The following ACTR3C variants were observed in gnomAD, a reference collection of about 807,000 sequenced individuals.
ACTR3C encodes actin-related protein 3C.
Under a neutral mutation model 26.3 loss-of-function variants are expected in ACTR3C, and 18 were observed. The observed-to-expected ratio is 0.68, with a 90% CI of 0.47 to 1.01. ACTR3C has a LOEUF of 1.01. Among genes scored for constraint, ACTR3C ranks in the 50% least tolerant of loss-of-function variants. The pLI, the probability that ACTR3C is intolerant of heterozygous loss-of-function variation, is 0.00. For missense variants in ACTR3C, 184 were observed against 250.7 expected (o/e 0.73, Z 1.80); for synonymous variants, 55 against 94.5 (o/e 0.58, Z 2.42).
At chr7:150,275,272 T>C (rs111347652) in intron 6 of ACTR3C, among the ~76,000 whole-genome samples, 2,326 of 152,334 alleles carry the variant, frequency 0.015, 19 homozygotes, top group Non-Finnish European at 0.022. Flanking sequence ...TTACAAATCA[T>C]GTTTTTAAAG....
the ACTR3C span, among the ~76,000 whole-genome samples, chr7:150,058,654 C>T: frequency 3.9e-5 from 6 of 152,252 alleles, no homozygotes; most frequent in East Asian, 1.9e-4. Flanking sequence ...CCGTGGCTCA[C>T]GCCTGTAATC....
chr7:150,219,853 GCCC>G, the ACTR3C span, among the ~76,000 whole-genome samples: 1 of 144,978 alleles, frequency 6.9e-6, no homozygotes, highest in Non-Finnish European at 1.5e-5. Context: ...GCAAGCTCTG[GCCC>G]AGGGGGGTCT....
chr7:150,205,478 C>A, the ACTR3C span, among the ~76,000 whole-genome samples: 1 of 152,192 alleles, frequency 6.6e-6, no homozygotes, highest in African/African-American at 2.4e-5. Flanking sequence ...TGCACCTCTG[C>A]GCAATGTTAC....
rs570075951 is a variant in ACTR3C at position 150,309,872 on chromosome 7, C to T, written c.-52+13597G>A. ...AAGCCCCCTGGACCATCATGGACGC[C>T]GAGCTTCGGGTAACTTTTACAGTGG... is the stretch of plus-strand genomic sequence containing the variant. On this transcript the variant is annotated intron_variant, in intron 1 of 7. Coordinates refer to ENST00000683684, the MANE Select transcript of ACTR3C (RefSeq NM_001164458.2). Among the ~76,000 whole-genome samples the T allele has an allele frequency of 5.3e-5, 8 of 152,256 alleles. 1 individual carries two copies. Among genetic ancestry groups the T allele is most frequent in the Admixed American group, 2.0e-4 (3 of 15,292 alleles).
chr7:150,007,523 C>T, the ACTR3C span, among the ~76,000 whole-genome samples: 3 of 152,214 alleles, frequency 2.0e-5, no homozygotes, highest in Non-Finnish European at 2.9e-5. Flanking sequence ...TAAAGTCTCG[C>T]TCTGTAACTA....
the ACTR3C span, among the ~76,000 whole-genome samples, chr7:150,037,399 G>T: frequency 9.7e-4 from 56 of 57,974 alleles, 18 homozygotes; most frequent in East Asian, 0.043. Flanking sequence ...CTGCGATGGG[G>T]GTCCTAAGAG....
chr7:149,970,389 G>A, the ACTR3C span, among the ~76,000 whole-genome samples: 2 of 151,942 alleles, frequency 1.3e-5, no homozygotes, highest in African/African-American at 4.8e-5. Context: ...GACATGTTTA[G>A]CTGATCTACC....
the ACTR3C span, among the ~76,000 whole-genome samples, chr7:150,176,813 T>C: frequency 6.6e-6 from 1 of 150,980 alleles, no homozygotes; most frequent in African/African-American, 2.5e-5. Flanking sequence ...AATTCAATAA[T>C]AAAGATGCTT....
the ACTR3C span, chr7:150,004,513 A>G: frequency 6.6e-6 from 1 of 152,182 alleles, no homozygotes; most frequent in African/African-American, 2.4e-5. Flanking sequence ...TGCATGCCCA[A>G]ACTAGGAGGT....
intron 1 of ACTR3C, among the ~76,000 whole-genome samples, chr7:150,313,190 C>CTGAA (rs1333404012): frequency 6.6e-6 from 1 of 152,220 alleles, no homozygotes; most frequent in Non-Finnish European, 1.5e-5. Context: ...CGCTGACTCT[C>CTGAA]TTTTCAGACT....
At chr7:150,119,015 T>C in the ACTR3C span, among the ~76,000 whole-genome samples, 1 of 150,290 alleles carries the variant, frequency 6.7e-6, no homozygotes, top group Admixed American at 6.6e-5. Flanking sequence ...AGAAATAAAA[T>C]CCTTTACAGA....
intron 1 of ACTR3C, among the ~76,000 whole-genome samples, chr7:150,313,838 ACCTGGAGACCTG>A (rs1379073650): frequency 6.6e-6 from 1 of 152,204 alleles, no homozygotes; most frequent in Non-Finnish European, 1.5e-5. Flanking sequence ...CTTGGCAGCT[ACCTGGAGACCTG>A]CCTGGAGCCT....
the ACTR3C span, among the ~76,000 whole-genome samples, chr7:150,093,705 C>A: frequency 4.7e-5 from 7 of 150,498 alleles, no homozygotes; most frequent in Non-Finnish European, 8.8e-5. Context: ...ATCTTCTCAG[C>A]GGAGCAGCTG....
chr7:150,122,399 A>AAAAC, the ACTR3C span, among the ~76,000 whole-genome samples: 1 of 152,168 alleles, frequency 6.6e-6, no homozygotes, highest in Admixed American at 6.5e-5. Context: ...TTACAAGAAA[A>AAAAC]AAACAACCCC....
chr7:150,004,192 ATG>A, the ACTR3C span, among the ~76,000 whole-genome samples: 2 of 149,660 alleles, frequency 1.3e-5, no homozygotes, highest in South Asian at 2.1e-4. Flanking sequence ...CATATGTAGC[ATG>A]TGTGTTATGT....
the ACTR3C span, among the ~76,000 whole-genome samples, chr7:150,089,864 C>A: frequency 3.2e-3 from 493 of 152,342 alleles, 4 homozygotes; most frequent in African/African-American, 0.012. Context: ...GTTCTTAGCA[C>A]AATTTCAATC....
In ACTR3C at chr7:150,265,392, T is replaced by A. The variant is rs560830935; in HGVS notation, c.565-16338A>T. On this transcript the variant is annotated intron_variant, in intron 6 of 7. Transcript: ENST00000683684. ...GATTTTTTTAAAAAAACATTTTATTTAAAAAAAAAAAGTTTTTTAGGTCTG... is the reference window on the plus strand; with the variant it reads ...GATTTTTTTAAAAAAACATTTTATTAAAAAAAAAAAAGTTTTTTAGGTCTG... Among the ~76,000 whole-genome samples, 212 of 147,106 alleles carry A rather than the reference T, an allele frequency of 1.4e-3. 3 individuals are homozygous for A. The highest frequency in any genetic ancestry group is 4.9e-3 in the African/African-American group (194 of 39,696).
the ACTR3C span, among the ~76,000 whole-genome samples, chr7:149,949,046 C>T: frequency 3.6e-5 from 5 of 138,018 alleles, no homozygotes; most frequent in South Asian, 2.1e-4. Context: ...CCAGGTGCTG[C>T]AGCTCACACT....
chr7:150,228,552 G>A, the ACTR3C span, among the ~76,000 whole-genome samples: 6 of 152,164 alleles, frequency 3.9e-5, no homozygotes, highest in African/African-American at 1.4e-4. Flanking sequence ...CAAAATCAGA[G>A]CTGCCAATGT....
Sources: gnomAD v4.1 joint callset for allele counts (sites outside exome capture counted in the v4.1 genomes callset) on GRCh38, gnomAD v4.1.1 for gene constraint, MANE v1.5 for transcripts, NCBI Gene and HGNC (gene_info 2026-07-23, HGNC 2026-07-21) for gene names.